The following IL20RA variants were observed in gnomAD, a reference collection of about 807,000 sequenced individuals.
IL20RA encodes interleukin 20 receptor subunit alpha, also known as interleukin-20 receptor subunit alpha.
In IL20RA, 29 loss-of-function variants were observed where a neutral mutation model predicts 36.5. The ratio of observed to expected loss-of-function variants is 0.79; its 90% CI spans 0.59 to 1.08. IL20RA has a LOEUF of 1.08. Ranked by LOEUF, IL20RA falls within the 50% of genes least tolerant of loss-of-function variation. The pLI is 0.00. For missense variants in IL20RA, 652 were observed against 668.4 expected (o/e 0.98, Z 0.27); for synonymous variants, 279 against 267.1 (o/e 1.04, Z -0.43).
intron 2 of IL20RA, among the ~76,000 whole-genome samples, chr6:137,014,904 G>T (rs190929178): frequency 4.6e-5 from 7 of 152,238 alleles, no homozygotes; most frequent in African/African-American, 1.7e-4. Context: ...TTTAGTTAGT[G>T]CTCCACCTCA....
At chr6:137,008,459 C>T (rs1775349472) in intron 5 of IL20RA, 140 bp downstream of exon 5, 1 of 815,186 alleles carries the variant, frequency 1.2e-6, no homozygotes, top group Non-Finnish European at 1.9e-6. Context: ...CCACGCATTT[C>T]TGGTGGTAGT....
intron 1 of IL20RA, among the ~76,000 whole-genome samples, chr6:137,035,470 A>G (rs1776462741): frequency 6.6e-6 from 1 of 152,230 alleles, no homozygotes; most frequent in Non-Finnish European, 1.5e-5. Context: ...TGGCATTTAC[A>G]TTTTAATGCA....
chr6:137,010,346 G>A (rs1289232159), intron 3 of IL20RA, among the ~76,000 whole-genome samples: 1 of 152,180 alleles, frequency 6.6e-6, no homozygotes, highest in Non-Finnish European at 1.5e-5. Flanking sequence ...TGTGGCTTGT[G>A]CCCCAATAAA....
At chr6:137,026,122 G>A (rs1208760601) in intron 1 of IL20RA, among the ~76,000 whole-genome samples, 1 of 152,218 alleles carries the variant, frequency 6.6e-6, no homozygotes, top group Non-Finnish European at 1.5e-5. Flanking sequence ...ACCAACTGGG[G>A]CAGCCTTAGC....
intron 6 of IL20RA, 39 bp from the exon 7 acceptor site, chr6:137,002,394 T>A: frequency 2.9e-6 from 4 of 1,385,816 alleles, no homozygotes; most frequent in Non-Finnish European, 3.9e-6. Context: ...CCTTTTCACT[T>A]TAGAGAGACA....
At chr6:137,035,651 T>G (rs1054652093) in intron 1 of IL20RA, among the ~76,000 whole-genome samples, 2 of 152,202 alleles carry the variant, frequency 1.3e-5, no homozygotes, top group African/African-American at 4.8e-5. Flanking sequence ...TGAGTCGGGA[T>G]ATAGTTAAAT....
At chr6:137,043,830 G>GT (rs1562246015) in intron 1 of IL20RA, among the ~76,000 whole-genome samples, 1 of 151,714 alleles carries the variant, frequency 6.6e-6, no homozygotes, top group Non-Finnish European at 1.5e-5. Context: ...TATCTTTTTT[G>GT]TTTTTTTAAA....
At chr6:137,032,685 C>T (rs939346124) in intron 1 of IL20RA, among the ~76,000 whole-genome samples, 16 of 152,150 alleles carry the variant, frequency 1.1e-4, no homozygotes, top group South Asian at 8.3e-4. Flanking sequence ...ATGAGATTGA[C>T]GGCATGATCT....
At chr6:137,003,660 T>A (rs1456400007) in intron 6 of IL20RA, among the ~76,000 whole-genome samples, 1 of 152,218 alleles carries the variant, frequency 6.6e-6, no homozygotes, top group African/African-American at 2.4e-5. Flanking sequence ...ACTATGATGC[T>A]CCTAACCTAA....
At position 137,001,675 on chromosome 6, in the gene IL20RA, C is replaced by G. The variant is rs1357988559; in HGVS notation, c.1545G>C (p.Glu515Asp). 1.2e-6 allele frequency: 2 copies of G among 1,614,166 alleles called. No individual in the cohort carries two copies. The highest frequency in any genetic ancestry group is 8.5e-7 in the Non-Finnish European group (1 of 1,180,018). Residue 515 changes from glutamate (E) to aspartate (D), a missense_variant, in exon 7 of 7, where the codon GAG becomes GAC. Coordinates refer to ENST00000316649, the MANE Select transcript of IL20RA (RefSeq NM_014432.4). ...CCTCATAGAGTCTAGATAGAAGACC[C>G]TCCTCTCCGAGCCCATCCCCCTCAG... Reference protein sequence around the residue: ...EPSEGDGLGEEGLLSRLYEEP... With the variant: ...EPSEGDGLGEDGLLSRLYEEP...
intron 1 of IL20RA, among the ~76,000 whole-genome samples, chr6:137,027,251 C>T (rs961182207): frequency 6.6e-6 from 1 of 152,174 alleles, no homozygotes; most frequent in African/African-American, 2.4e-5. Flanking sequence ...AAAAGCTGCA[C>T]AACTGTCGTC....
At position 137,011,317 on chromosome 6, in the gene IL20RA, A is replaced by G. The variant is rs138262239; in HGVS notation, c.360T>C (p.Cys120=). ...ACCGTCCACTTTCAGCCCATTTGGA[A>G]CACTTTGTTCCCCAAATGGCCTTAA... ...AKVKAIWGTK[C]SKWAESGRFY... The change falls in exon 3 of 7, where the codon TGT becomes TGC. Residue 120 remains cysteine (C), a synonymous_variant. Transcript: ENST00000316649. 141 of 1,613,190 alleles carry G rather than the reference A, an allele frequency of 8.7e-5. No individual in the cohort carries two copies. Among genetic ancestry groups the G allele is most frequent in the Non-Finnish European group, 1.2e-4 (139 of 1,179,710 alleles).
At chr6:137,021,086 G>A (rs574824471) in intron 1 of IL20RA, among the ~76,000 whole-genome samples, 1 of 150,794 alleles carries the variant, frequency 6.6e-6, no homozygotes, top group South Asian at 2.1e-4. Context: ...AGCCACGTTA[G>A]TCATCTTTCC....
intron 2 of IL20RA, among the ~76,000 whole-genome samples, chr6:137,013,237 A>C (rs532368012): frequency 6.6e-6 from 1 of 152,276 alleles, no homozygotes; most frequent in African/African-American, 2.4e-5. Flanking sequence ...GACTATTGCC[A>C]TTGCCTATGT....
intron 5 of IL20RA, among the ~76,000 whole-genome samples, chr6:137,006,866 G>A (rs1775301872): frequency 6.6e-6 from 1 of 152,026 alleles, no homozygotes; most frequent in Non-Finnish European, 1.5e-5. Context: ...TTGGACTAAA[G>A]GTGTGTGCCA....
rs372856393 is a variant in IL20RA, at chr6:137,001,892, G to A, written c.1328C>T (p.Pro443Leu). Residue 443 changes from proline (P) to leucine (L), a missense_variant, in exon 7 of 7, where the codon CCG (proline) becomes CTG (leucine). By Grantham distance (98) the Pro-to-Leu change is moderately conservative (BLOSUM62 -3). Coordinates refer to ENST00000316649, the MANE Select transcript of IL20RA (RefSeq NM_014432.4). ...GGTGTATGAGTACTGTAACGTTTGC[G>A]GGCCCAAGACTGCCAACGCTGCCTG... ...ESQAALAVLG[P>L]QTLQYSYTPQ... 10 of 1,613,644 alleles carry A rather than the reference G, an allele frequency of 6.2e-6. No individual in the cohort carries two copies. The highest frequency in any genetic ancestry group is 4.0e-5 in the African/African-American group (3 of 74,892).
intron 3 of IL20RA, 38 bp downstream of exon 3, chr6:137,011,236 C>A: frequency 6.6e-7 from 1 of 1,518,268 alleles, no homozygotes; most frequent in Non-Finnish European, 9.0e-7. Flanking sequence ...GATATGAATA[C>A]ATGTTTAACT....
At chr6:137,044,029 C>CT (rs1372116366) in intron 1 of IL20RA, 2 of 823,990 alleles carry the variant, frequency 2.4e-6, no homozygotes, top group East Asian at 2.5e-4. Context: ...TCAAAGAGCA[C>CT]TATCTGTACA....
chr6:137,022,316 T>C (rs1775932596), intron 1 of IL20RA, among the ~76,000 whole-genome samples: 1 of 152,216 alleles, frequency 6.6e-6, no homozygotes, highest in African/African-American at 2.4e-5. Flanking sequence ...GTTCTCCAGA[T>C]GATATGGTGA....
Sources: gnomAD v4.1 joint callset for allele counts (sites outside exome capture counted in the v4.1 genomes callset) on GRCh38, gnomAD v4.1.1 for gene constraint, MANE v1.5 for transcripts, NCBI Gene and HGNC (gene_info 2026-07-23, HGNC 2026-07-21) for gene names.